DDC: variants seen among roughly 807,000 people sequenced by gnomAD.
DDC encodes the protein aromatic-L-amino-acid decarboxylase.
In DDC, 43 loss-of-function variants were observed where a neutral mutation model predicts 60.0. That is an observed-to-expected ratio of 0.72 (90% CI 0.56 to 0.92). The LOEUF (loss-of-function observed/expected upper bound fraction) is 0.92. Ranked by LOEUF, DDC falls within the 40% of genes least tolerant of loss-of-function variation. The probability of loss-of-function intolerance (pLI) is 0.00; values close to 1 mark genes in which losing one functional copy is unlikely to be tolerated. For synonymous variants in DDC, 232 were observed against 234.6 expected, an observed-to-expected ratio of 0.99 and a Z score of 0.10; for missense variants, 573 against 620.2, an observed-to-expected ratio of 0.92 and a Z score of 0.81.
intron 4 of DDC, among the ~76,000 whole-genome samples, chr7:50,534,422 C>A (rs560874890): frequency 1.3e-5 from 2 of 152,128 alleles, no homozygotes; most frequent in African/African-American, 4.8e-5. Flanking sequence ...AATGGCAAAA[C>A]CCTGTCTCTA....
rs533820295 is a variant in DDC, at chr7:50,562,788, A to G, written c.-29+2497T>C. On this transcript the variant is annotated intron_variant, in intron 1 of 14. Coordinates refer to ENST00000444124, the MANE Select transcript of DDC (RefSeq NM_001082971.2). ...GGGACACAGGTATGAGGAGGTGCTG[A>G]TATTTTATTATCATTTATGTATAAA... 8.5e-5 allele frequency among the ~76,000 whole-genome samples: 13 copies of G among 152,320 alleles called. No homozygotes were observed. The South Asian group carries it at 2.7e-3, about 32-fold the overall frequency.
chr7:50,493,816 T>TAA (rs11315611), intron 9 of DDC, among the ~76,000 whole-genome samples: 33 of 149,588 alleles, frequency 2.2e-4, no homozygotes, highest in African/African-American at 6.9e-4. Context: ...TGGTTAGCCT[T>TAA]AAAAAAAAAA....
intron 6 of DDC, among the ~76,000 whole-genome samples, chr7:50,514,646 C>T (rs1023492955): frequency 3.3e-5 from 5 of 152,128 alleles, no homozygotes; most frequent in African/African-American, 1.2e-4. Context: ...GCAATCAAAA[C>T]TTCAGGAAAC....
chr7:50,533,297 CTT>C (rs34002033), intron 4 of DDC, among the ~76,000 whole-genome samples: 26 of 135,998 alleles, frequency 1.9e-4, no homozygotes, highest in Non-Finnish European at 2.4e-4. Context: ...GGAAAGGGGA[CTT>C]TTTTTTTTTT....
At chr7:50,462,122 G>T (rs1338937448) in intron 14 of DDC, among the ~76,000 whole-genome samples, 2 of 150,898 alleles carry the variant, frequency 1.3e-5, no homozygotes, top group African/African-American at 4.9e-5. Flanking sequence ...AATCCCCCAC[G>T]GGTTATAATG....
At chr7:50,463,810 T>C (rs2042337361) in intron 13 of DDC, among the ~76,000 whole-genome samples, 1 of 152,154 alleles carries the variant, frequency 6.6e-6, no homozygotes, top group African/African-American at 2.4e-5. Flanking sequence ...CACGGAAACA[T>C]AGAAGAGTCT....
intron 1 of DDC, among the ~76,000 whole-genome samples, chr7:50,563,544 G>A (rs955087684): frequency 3.9e-5 from 6 of 152,100 alleles, no homozygotes; most frequent in Admixed American, 6.5e-5. Flanking sequence ...AAGGCTCTAT[G>A]TATCTTTAAA....
chr7:50,471,567 C>T (rs2042533012), intron 11 of DDC, among the ~76,000 whole-genome samples: 1 of 152,100 alleles, frequency 6.6e-6, no homozygotes, highest in Non-Finnish European at 1.5e-5. Flanking sequence ...GCACACCAGG[C>T]CCTGCCCGGT....
intron 4 of DDC, among the ~76,000 whole-genome samples, chr7:50,533,879 G>C (rs1220401472): frequency 1.3e-5 from 2 of 152,162 alleles, no homozygotes; most frequent in Admixed American, 1.3e-4. Context: ...CTCACTGCTG[G>C]ATCTGTCCTG....
At chr7:50,561,403 C>A (rs901184899) in intron 1 of DDC, among the ~76,000 whole-genome samples, 1 of 152,114 alleles carries the variant, frequency 6.6e-6, no homozygotes, top group African/African-American at 2.4e-5. Flanking sequence ...GAGGAAGGGA[C>A]GGCGTGGCAT....
Position 50,528,163 on chromosome 7 carries a change from T to C in DDC, c.688A>G (p.Lys230Glu), listed in dbSNP as rs775178181. The C allele has an allele frequency of 5.0e-6, 8 of 1,613,540 alleles. No individual in the cohort carries two copies. The Admixed American group carries it at 1.3e-4, about 27-fold the overall frequency. Residue 230 changes from lysine to glutamate, a missense_variant, in exon 6 of 15, where the codon AAA becomes GAA. Coordinates refer to ENST00000444124, the MANE Select transcript of DDC (RefSeq NM_001082971.2). ...AAGAAAGGAATCAGGCCAGCCGCTT[T>C]GTCTCTCTCCAGGGCTTCCTGCAGG... The part of the protein sequence containing the change: ...SALQEALERD[K>E]AAGLIPFFMV...
chr7:50,564,151 C>T (rs2045389333), intron 1 of DDC: 1 of 152,184 alleles, frequency 6.6e-6, no homozygotes, highest in Admixed American at 6.5e-5. Context: ...GCAGCACCAA[C>T]ATGTCCCTGG....
At position 50,528,251 on chromosome 7, in the gene DDC, T is replaced by C. The variant is rs1031438520; in HGVS notation, c.600A>G (p.Leu200=). The part of the protein sequence containing the change: ...QAHSSVERAG[L]IGGVKLKAIP... ...TGGCTTTTAATTTCACTCCACCAATTAACCCAGCTCTTTCCACTGAGGAGT... is the reference window on the plus strand; with the variant it reads ...TGGCTTTTAATTTCACTCCACCAATCAACCCAGCTCTTTCCACTGAGGAGT... Residue 200 remains leucine (L), a synonymous_variant, in exon 6 of 15, where the codon TTA becomes TTG. Transcript: ENST00000444124. The C allele has an allele frequency of 1.9e-6, 3 of 1,614,148 alleles. No individual in the cohort carries two copies. Among genetic ancestry groups the C allele is most frequent in the Non-Finnish European group, 2.5e-6 (3 of 1,180,008 alleles).
intron 12 of DDC, 82 bp from the exon 13 acceptor site, chr7:50,467,397 GC>G: frequency 8.8e-7 from 1 of 1,137,712 alleles, no homozygotes. Flanking sequence ...TTATTAGACT[GC>G]CCATGTATAA....
At chr7:50,527,480 G>A (rs962357587) in intron 6 of DDC, among the ~76,000 whole-genome samples, 2 of 152,110 alleles carry the variant, frequency 1.3e-5, no homozygotes, top group African/African-American at 4.8e-5. Context: ...AATTTTAAGG[G>A]AGATCTTTCT....
Position 50,482,483 on chromosome 7 carries a change from C to A in DDC, c.945-2620G>T, listed in dbSNP as rs2042791228. Reference sequence around the variant, plus strand: ...GCTCTCTCTTCTAATGTGCTCTACCCATCTGTGCCCGCGCTGGTGCTACAT... The same window carrying A: ...GCTCTCTCTTCTAATGTGCTCTACCAATCTGTGCCCGCGCTGGTGCTACAT... On this transcript the variant is annotated intron_variant, in intron 9 of 14. Coordinates refer to ENST00000444124, the MANE Select transcript of DDC (RefSeq NM_001082971.2). Among the ~76,000 whole-genome samples, 3 of 152,294 alleles carry A rather than the reference C, an allele frequency of 2.0e-5. No homozygotes were observed. The South Asian group carries it at 6.2e-4, about 32-fold the overall frequency.
chr7:50,528,113 A>T, intron 6 of DDC, 24 bp downstream of exon 6: 1 of 1,611,612 alleles, frequency 6.2e-7, no homozygotes. Context: ...ATTGGCCAGG[A>T]GCCACAAGTG....
chr7:50,467,187 T>G, intron 13 of DDC, 27 bp downstream of exon 13: 2 of 1,570,396 alleles, frequency 1.3e-6, no homozygotes, highest in Non-Finnish European at 1.8e-6. Flanking sequence ...TCACAGAAAA[T>G]GAAGAATGGA....
chr7:50,512,548 C>G (rs1212976194), intron 6 of DDC, among the ~76,000 whole-genome samples: 2 of 152,190 alleles, frequency 1.3e-5, no homozygotes, highest in Non-Finnish European at 2.9e-5. Flanking sequence ...AGGCCCATGG[C>G]ACATAGCTGA....
Sources: allele counts gnomAD v4.1 joint callset (sites outside exome capture counted in the v4.1 genomes callset), GRCh38; gene constraint gnomAD v4.1.1; transcripts MANE v1.5; gene names NCBI Gene and HGNC (gene_info 2026-07-23, HGNC 2026-07-21).